The following CHAF1B variants were observed in gnomAD, a reference collection of about 807,000 sequenced individuals.
CHAF1B encodes the protein chromatin assembly factor 1 subunit B.
A neutral mutation model predicts 60.7 loss-of-function variants in CHAF1B; 10 were observed. The ratio of observed to expected loss-of-function variants is 0.16; its 90% CI spans 0.10 to 0.28. CHAF1B has a LOEUF of 0.28. CHAF1B is among the 10% of genes least tolerant of loss of function. The pLI, the probability that CHAF1B is intolerant of heterozygous loss-of-function variation, is 1.00. For missense variants in CHAF1B, 558 were observed against 708.4 expected, an observed-to-expected ratio of 0.79 and a Z score of 2.41; for synonymous variants, 261 against 266.1, an observed-to-expected ratio of 0.98 and a Z score of 0.19.
At chr21:36,403,976 G>A (rs1222298379) in intron 8 of CHAF1B, among the ~76,000 whole-genome samples, 4 of 152,150 alleles carry the variant, frequency 2.6e-5, no homozygotes, top group East Asian at 1.9e-4. Flanking sequence ...AGAACACTGC[G>A]GAACATGTGC....
At chr21:36,402,957 G>C in intron 8 of CHAF1B, 106 bp downstream of exon 8, 1 of 927,076 alleles carries the variant, frequency 1.1e-6, no homozygotes, top group East Asian at 2.4e-5. Flanking sequence ...TTAGAGTGGG[G>C]GTCCCCGACT....
chr21:36,396,611 G>A (rs531913669), intron 5 of CHAF1B, among the ~76,000 whole-genome samples: 7 of 149,552 alleles, frequency 4.7e-5, no homozygotes, highest in Middle Eastern at 3.5e-3. Context: ...CTCTGACGGC[G>A]CCACTGCACT....
rs1246779128 is a variant in CHAF1B at position 36,417,884 on chromosome 21, G to C, written c.*1518G>C. ...GGAGGATTTGGCCTAATCGGTCTGG[G>C]GTATGTTCTGAATATTAGGATTTCT... is the stretch of plus-strand genomic sequence containing the variant. On this transcript the variant is annotated 3_prime_UTR_variant, in exon 14 of 14. Coordinates refer to ENST00000314103, the MANE Select transcript of CHAF1B (RefSeq NM_005441.3). 2 of 152,168 alleles carry C rather than the reference G, an allele frequency of 1.3e-5. No individual in the cohort carries two copies. The highest frequency in any genetic ancestry group is 4.2e-4 in the South Asian group (2 of 4,818). The allele number at this position is 152,168 out of a possible 1,614,324, so 9.4% of individuals were successfully genotyped here.
At chr21:36,404,320 C>G (rs1333175356) in intron 8 of CHAF1B, among the ~76,000 whole-genome samples, 1 of 150,674 alleles carries the variant, frequency 6.6e-6, no homozygotes, top group Non-Finnish European at 1.5e-5. Context: ...AGGCTGGTCT[C>G]AAACTCCTGA....
At chr21:36,405,774 G>A (rs1290496463) in intron 8 of CHAF1B, among the ~76,000 whole-genome samples, 3 of 152,132 alleles carry the variant, frequency 2.0e-5, no homozygotes, top group African/African-American at 7.2e-5. Flanking sequence ...TTATGGAGAA[G>A]TCTAGAAGGT....
At chr21:36,408,052 C>T (rs1446798605) in intron 8 of CHAF1B, among the ~76,000 whole-genome samples, 1 of 152,138 alleles carries the variant, frequency 6.6e-6, no homozygotes, top group Non-Finnish European at 1.5e-5. Context: ...ATACTGTCTA[C>T]TGCCCTCCCT....
chr21:36,394,624 C>A lies in CHAF1B; in HGVS notation c.455C>A (p.Thr152Lys), dbSNP rs2086122424. The A allele has an allele frequency of 6.2e-7, 1 of 1,611,932 alleles. No homozygotes were observed. Residue 152 changes from threonine (T) to lysine (K), a missense_variant, in exon 5 of 14, where the codon ACA becomes AAA. Transcript: ENST00000314103. ...NLMASASVDN[T>K]AIIWDVSKGQ... ...ATGGCTTCTGCCTCTGTGGATAACACAGCCATCATATGGGATGTCAGCAAA... is the reference window on the plus strand; with the variant it reads ...ATGGCTTCTGCCTCTGTGGATAACAAAGCCATCATATGGGATGTCAGCAAA...
chr21:36,387,540 A>G lies in CHAF1B; in HGVS notation c.127-58A>G. 8 of 1,602,630 alleles carry G rather than the reference A, an allele frequency of 5.0e-6. No homozygotes were observed. The Admixed American group carries it at 1.2e-4, about 24-fold the overall frequency. ...CCAGCCCATAGTATTGTTTTAATAC[A>G]GACAGTATAATATGTGCCCATTCTA... is the stretch of plus-strand genomic sequence containing the variant. On this transcript the variant is annotated intron_variant, in intron 2 of 13. Transcript: ENST00000314103.
chr21:36,397,057 C>G (rs911219441), intron 5 of CHAF1B, among the ~76,000 whole-genome samples: 5 of 152,198 alleles, frequency 3.3e-5, no homozygotes, highest in Non-Finnish European at 5.9e-5. Flanking sequence ...GATTCCCTGA[C>G]AATACCTTCT....
chr21:36,405,137 ATTG>A (rs2086227830), intron 8 of CHAF1B, among the ~76,000 whole-genome samples: 2 of 152,142 alleles, frequency 1.3e-5, no homozygotes, highest in South Asian at 4.1e-4. Flanking sequence ...TATCAACGTT[ATTG>A]TTCTTTGTGG....
At chr21:36,392,572 G>A (rs1005734259) in intron 4 of CHAF1B, among the ~76,000 whole-genome samples, 5 of 151,544 alleles carry the variant, frequency 3.3e-5, no homozygotes, top group Non-Finnish European at 7.4e-5. Context: ...CCTCCTGGAC[G>A]GGGCAGCTGC....
intron 3 of CHAF1B, among the ~76,000 whole-genome samples, chr21:36,389,800 T>TGCGCGCGCGC (rs1555911823): frequency 2.4e-4 from 30 of 124,794 alleles, no homozygotes; most frequent in African/African-American, 7.0e-4. Flanking sequence ...TGTGTGTGTG[T>TGCGCGCGCGC]GCGCGCGCAC....
chr21:36,416,511 A>T lies in CHAF1B; in HGVS notation c.*145A>T. 1 of 548,972 alleles carries T rather than the reference A, an allele frequency of 1.8e-6. No individual in the cohort carries two copies. The highest frequency in any genetic ancestry group is 3.1e-5 in the South Asian group (1 of 31,800). 34.0% of individuals were successfully genotyped at this position (548,972 alleles called of 1,614,324 possible). On this transcript the variant is annotated 3_prime_UTR_variant, in exon 14 of 14. Transcript: ENST00000314103. ...TATAACAGAAGTGACATGTGTACTGATTTTTCTCCAGAAATATGGATGCTG... is the reference window on the plus strand; with the variant it reads ...TATAACAGAAGTGACATGTGTACTGTTTTTTCTCCAGAAATATGGATGCTG...
intron 8 of CHAF1B, among the ~76,000 whole-genome samples, chr21:36,404,045 A>T (rs2086214509): frequency 6.6e-6 from 1 of 150,608 alleles, no homozygotes; most frequent in East Asian, 1.9e-4. Flanking sequence ...TTTAGGTTAT[A>T]TTTACTAAAG....
intron 13 of CHAF1B, chr21:36,415,762 C>A (rs770844547): frequency 2.8e-6 from 1 of 353,140 alleles, no homozygotes; most frequent in Non-Finnish European, 5.3e-6. Flanking sequence ...TTTTTTTTTT[C>A]TTTTTTTTGA....
intron 3 of CHAF1B, among the ~76,000 whole-genome samples, chr21:36,388,719 G>A (rs1041384735): frequency 2.6e-5 from 4 of 152,032 alleles, no homozygotes; most frequent in Non-Finnish European, 5.9e-5. Context: ...TGCCTGCCTC[G>A]GCCTCCCAAA....
intron 2 of CHAF1B, among the ~76,000 whole-genome samples, chr21:36,386,920 G>T (rs2086039823): frequency 6.6e-6 from 1 of 152,028 alleles, no homozygotes. Context: ...TACCATGTTG[G>T]CCAGGCTGGT....
intron 5 of CHAF1B, among the ~76,000 whole-genome samples, chr21:36,396,993 C>T (rs2086145438): frequency 6.6e-6 from 1 of 152,036 alleles, no homozygotes; most frequent in Non-Finnish European, 1.5e-5. Context: ...ATTAGCAGTT[C>T]TCAGCTACCT....
chr21:36,413,327 T>C lies in CHAF1B; in HGVS notation c.1493+12T>C, dbSNP rs2086293666. ...AAGACAACACCCCGGTAAGAACTTG[T>C]TGGAACAAGATGTCATTGCAAAATG... is the stretch of plus-strand genomic sequence containing the variant. On this transcript the variant is annotated intron_variant, in intron 12 of 13. Transcript: ENST00000314103. 6.5e-7 allele frequency: 1 copy of C among 1,545,276 alleles called. No homozygotes were observed. Among genetic ancestry groups the C allele is most frequent in the South Asian group, 1.2e-5 (1 of 81,942 alleles).
Sources: gnomAD v4.1 joint callset for allele counts (sites outside exome capture counted in the v4.1 genomes callset) on GRCh38, gnomAD v4.1.1 for gene constraint, MANE v1.5 for transcripts, NCBI Gene and HGNC (gene_info 2026-07-23, HGNC 2026-07-21) for gene names.